DLGAP5: variants seen among roughly 807,000 people sequenced by gnomAD.
The protein encoded by DLGAP5 is disks large-associated protein 5.
DLGAP5 carries 90 observed loss-of-function variants against 99.6 expected under a neutral mutation model. The observed-to-expected ratio is 0.90, with a 90% CI of 0.76 to 1.08. DLGAP5 has a LOEUF of 1.08. Among genes scored for constraint, DLGAP5 ranks in the 50% least tolerant of loss-of-function variants. The pLI is 0.00. For missense variants in DLGAP5, 1,036 were observed against 983.5 expected (o/e 1.05, Z -0.71); for synonymous variants, 311 against 321.3 (o/e 0.97, Z 0.34).
chr14:55,184,908 T>C (rs1229340166), intron 2 of DLGAP5, among the ~76,000 whole-genome samples: 2 of 152,214 alleles, frequency 1.3e-5, no homozygotes, highest in East Asian at 3.8e-4. Context: ...TTGTATGAAA[T>C]AATCAATATT....
At position 55,179,025 on chromosome 14, in the gene DLGAP5, C is replaced by T. The variant is rs368364120; in HGVS notation, c.774+604G>A. Among the ~76,000 whole-genome samples, 81 of 151,958 alleles carry T rather than the reference C, an allele frequency of 5.3e-4. 1 individual carries two copies. Among genetic ancestry groups the T allele is most frequent in the African/African-American group, 8.0e-4 (33 of 41,452 alleles). ...TCGCGCCATTGCACTCGAGCCTGGGCGACAGAGTGAGACTCTGTCTCAAAA... is the reference window on the plus strand; with the variant it reads ...TCGCGCCATTGCACTCGAGCCTGGGTGACAGAGTGAGACTCTGTCTCAAAA... On this transcript the variant is annotated intron_variant, in intron 7 of 18. Coordinates refer to ENST00000247191, the MANE Select transcript of DLGAP5 (RefSeq NM_014750.5).
chr14:55,181,365 G>C, intron 4 of DLGAP5, 68 bp from the exon 5 acceptor site: 1 of 1,288,434 alleles, frequency 7.8e-7, no homozygotes, highest in Non-Finnish European at 1.1e-6. Flanking sequence ...TTTTTAATCT[G>C]TAAATTGATT....
intron 12 of DLGAP5, among the ~76,000 whole-genome samples, chr14:55,167,449 T>C (rs1882685102): frequency 1.3e-5 from 2 of 152,230 alleles, no homozygotes; most frequent in South Asian, 4.1e-4. Context: ...ACACTATTCA[T>C]GTCTGGGCCA....
At chr14:55,184,239 T>C (rs1374598680) in intron 2 of DLGAP5, among the ~76,000 whole-genome samples, 1 of 152,136 alleles carries the variant, frequency 6.6e-6, no homozygotes, top group Non-Finnish European at 1.5e-5. Flanking sequence ...GGAAGGATCA[T>C]TTGAGCCCAG....
intron 18 of DLGAP5, among the ~76,000 whole-genome samples, chr14:55,149,030 T>A (rs1204147474): frequency 1.3e-5 from 2 of 152,168 alleles, no homozygotes; most frequent in African/African-American, 4.8e-5. Flanking sequence ...GTTCAAATTA[T>A]GCTACTGGGG....
intron 2 of DLGAP5, among the ~76,000 whole-genome samples, chr14:55,186,393 CTATT>C (rs1373782388): frequency 2.6e-5 from 4 of 152,222 alleles, no homozygotes; most frequent in Non-Finnish European, 5.9e-5. Flanking sequence ...TTAAACGTCT[CTATT>C]TGTTTCAAAG....
intron 13 of DLGAP5, among the ~76,000 whole-genome samples, chr14:55,159,188 T>C (rs1882325478): frequency 6.6e-6 from 1 of 152,172 alleles, no homozygotes; most frequent in Non-Finnish European, 1.5e-5. Flanking sequence ...TGAAACCATA[T>C]TTCATCAAAC....
chr14:55,169,516 A>G lies in DLGAP5; in HGVS notation c.1431T>C (p.Leu477=), dbSNP rs746342645. The change falls in exon 12 of 19, where the codon CTT becomes CTC. Residue 477 remains leucine, a synonymous_variant. Transcript: ENST00000247191. The part of the protein sequence containing the change: ...IRTAVGQTRL[L]MKERFKQFEG... ...CAAACTGTTTAAACCTTTCCTTCAT[A>G]AGGAGTCTTGTTTGACCAACTGCTG... 14 of 1,605,618 alleles carry G rather than the reference A, an allele frequency of 8.7e-6. No individual in the cohort carries two copies. The highest frequency in any genetic ancestry group is 1.1e-5 in the Non-Finnish European group (13 of 1,177,938).
chr14:55,169,377 T>C (rs1240662422), intron 12 of DLGAP5, 22 bp downstream of exon 12: 7 of 1,432,258 alleles, frequency 4.9e-6, no homozygotes, highest in Non-Finnish European at 6.4e-6. Flanking sequence ...AGTTAATATA[T>C]TTGAAATATT....
chr14:55,173,255 T>C (rs1467277043), intron 10 of DLGAP5, among the ~76,000 whole-genome samples: 1 of 82,572 alleles, frequency 1.2e-5, no homozygotes, highest in Non-Finnish European at 2.6e-5. Context: ...GGCAATATCA[T>C]AAGACCCCCG....
chr14:55,183,726 TG>T lies in DLGAP5; in HGVS notation c.265del (p.Gln89AsnfsTer18), dbSNP rs1419157164. ...GTATTTTTGGAGCATCTGTTTTCGT[TG>T]ATCACCTAGAATAGTTTTCATTGCC... ...PRAMKTILGD[Q>X]RKQMLQKYKE... On this transcript the variant is annotated frameshift_variant, in exon 3 of 19. Coordinates refer to ENST00000247191, the MANE Select transcript of DLGAP5 (RefSeq NM_014750.5). LOFTEE classifies it high-confidence loss of function. 1 of 1,604,244 alleles carries T rather than the reference TG, an allele frequency of 6.2e-7. No homozygotes were observed. Among genetic ancestry groups the T allele is most frequent in the Non-Finnish European group, 8.5e-7 (1 of 1,175,818 alleles).
At chr14:55,179,551 T>C in intron 7 of DLGAP5, 78 bp downstream of exon 7, 1 of 1,249,936 alleles carries the variant, frequency 8.0e-7, no homozygotes, top group South Asian at 1.4e-5. Context: ...AGCAGTTCTT[T>C]ATGTTTAATT....
intron 13 of DLGAP5, among the ~76,000 whole-genome samples, chr14:55,160,690 G>A (rs1234774284): frequency 6.6e-6 from 1 of 151,918 alleles, no homozygotes; most frequent in African/African-American, 2.4e-5. Flanking sequence ...TGATCTGCCT[G>A]CCTCAGCCTC....
chr14:55,148,788 T>C (rs547791177), intron 18 of DLGAP5: 21 of 387,514 alleles, frequency 5.4e-5, no homozygotes, highest in Admixed American at 5.0e-4. Flanking sequence ...TTATTTCAAA[T>C]GTATATTACA....
intron 7 of DLGAP5, among the ~76,000 whole-genome samples, chr14:55,178,049 G>A (rs972464133): frequency 9.6e-6 from 1 of 104,066 alleles, no homozygotes; most frequent in Non-Finnish European, 1.7e-5. Context: ...TCGGGAGATC[G>A]AGACCATCCT....
At chr14:55,163,939 T>C (rs1018432976) in intron 12 of DLGAP5, among the ~76,000 whole-genome samples, 1 of 152,262 alleles carries the variant, frequency 6.6e-6, no homozygotes, top group African/African-American at 2.4e-5. Flanking sequence ...TTTTATCAGA[T>C]ACATCTTTTG....
intron 13 of DLGAP5, among the ~76,000 whole-genome samples, chr14:55,160,393 TAA>T (rs771493094): frequency 6.4e-5 from 8 of 124,564 alleles, no homozygotes; most frequent in Admixed American, 8.1e-5. Context: ...AGACTCTATA[TAA>T]AAAAAAAAAA....
At chr14:55,152,749 G>A in intron 15 of DLGAP5, 102 bp from the exon 16 acceptor site, 1 of 979,810 alleles carries the variant, frequency 1.0e-6, no homozygotes, top group Non-Finnish European at 1.4e-6. Flanking sequence ...TTTAGGGAAT[G>A]GATCAAACAT....
Position 55,148,168 on chromosome 14 carries a change from AC to A in DLGAP5, c.*182del. On this transcript the variant is annotated 3_prime_UTR_variant, in exon 19 of 19. Transcript: ENST00000247191. ...ATTTTTTATTCTGTGTTGAAAATGT[AC>A]AAAATATCCCCACTTCCCTTGAGAA... 1 of 632,032 alleles carries A rather than the reference AC, an allele frequency of 1.6e-6. No homozygotes were observed. Among genetic ancestry groups the A allele is most frequent in the Non-Finnish European group, 2.6e-6 (1 of 386,302 alleles). The allele number at this position is 632,032 out of a possible 1,614,324, so 39.2% of individuals were successfully genotyped here.
Sources: allele counts gnomAD v4.1 joint callset (sites outside exome capture counted in the v4.1 genomes callset), GRCh38; gene constraint gnomAD v4.1.1; transcripts MANE v1.5; gene names NCBI Gene and HGNC (gene_info 2026-07-23, HGNC 2026-07-21).